GFRAL: variants seen among roughly 807,000 people sequenced by gnomAD.
GFRAL encodes GDNF family receptor alpha like, also known as GDNF family receptor alpha-like.
Under a neutral mutation model 45.4 loss-of-function variants are expected in GFRAL, and 36 were observed. The observed-to-expected ratio is 0.79, with a 90% CI of 0.61 to 1.05. The LOEUF (loss-of-function observed/expected upper bound fraction) is 1.05. GFRAL is among the 50% of genes least tolerant of loss of function. GFRAL has a pLI of 0.00. For missense variants in GFRAL, 507 were observed against 467.5 expected, an observed-to-expected ratio of 1.08 and a Z score of -0.78; for synonymous variants, 166 against 154.1, an observed-to-expected ratio of 1.08 and a Z score of -0.57.
rs182535539 is a variant in GFRAL at position 55,402,135 on chromosome 6, G to C, written c.*282G>C. On this transcript the variant is annotated 3_prime_UTR_variant, in exon 9 of 9. Coordinates refer to ENST00000340465, the MANE Select transcript of GFRAL (RefSeq NM_207410.2). ...TGGGATTACAGGTACCCGCCACCAC[G>C]CCCAGCTAATTTTTTTGTATTTTTA... 470 of 244,006 alleles carry C rather than the reference G, an allele frequency of 1.9e-3. 3 individuals are homozygous for C. Among genetic ancestry groups the C allele is most frequent in the African/African-American group, 0.01 (446 of 44,132 alleles). 15.1% of individuals were successfully genotyped at this position (244,006 alleles called of 1,614,324 possible).
At chr6:55,378,518 A>G (rs1176936731) in intron 6 of GFRAL, among the ~76,000 whole-genome samples, 1 of 151,842 alleles carries the variant, frequency 6.6e-6, no homozygotes. Context: ...TTGCCACCAT[A>G]GCTACATTCT....
intron 3 of GFRAL, among the ~76,000 whole-genome samples, chr6:55,335,916 T>TTTA (rs1441734332): frequency 4.8e-4 from 69 of 142,658 alleles, no homozygotes; most frequent in Non-Finnish European, 9.4e-4. Context: ...TTTATTTTAT[T>TTTA]TTATTTTATT....
Position 55,401,804 on chromosome 6 carries a change from C to T in GFRAL, c.1136C>T (p.Ser379Leu). The T allele has an allele frequency of 6.5e-7, 1 of 1,528,224 alleles. No individual in the cohort carries two copies. The highest frequency in any genetic ancestry group is 9.1e-7 in the Non-Finnish European group (1 of 1,101,408). 94.7% of individuals were successfully genotyped at this position (1,528,224 alleles called of 1,614,324 possible). A position where few individuals can be genotyped will look rare whatever the true frequency, so the allele number is the denominator to read the frequency against. Residue 379 changes from serine to leucine, a missense_variant, in exon 9 of 9, where the codon TCA (serine) becomes TTA (leucine). Transcript: ENST00000340465. ...ATTTTATACAGAACTTCCAGAATAT[C>T]AAGTAAAGCAAGAGATCCTTCATCG... ...VMVKLRTSRI[S>L]SKARDPSSIQ...
At chr6:55,372,718 C>A (rs1223659752) in intron 6 of GFRAL, among the ~76,000 whole-genome samples, 1 of 152,160 alleles carries the variant, frequency 6.6e-6, no homozygotes, top group Non-Finnish European at 1.5e-5. Context: ...CCACACTTAT[C>A]TCCAGGGAGA....
intron 3 of GFRAL, among the ~76,000 whole-genome samples, chr6:55,340,737 C>T (rs568977098): frequency 2.3e-4 from 35 of 152,222 alleles, no homozygotes; most frequent in African/African-American, 4.3e-4. Flanking sequence ...TTGCCTCACC[C>T]GGGAAGCACA....
intron 6 of GFRAL, among the ~76,000 whole-genome samples, chr6:55,364,280 G>T (rs1768323230): frequency 6.6e-6 from 1 of 151,232 alleles, no homozygotes; most frequent in Non-Finnish European, 1.5e-5. Context: ...CTTTTTGTTG[G>T]GATTGTTTGT....
chr6:55,372,489 C>A (rs1157434054), intron 6 of GFRAL, among the ~76,000 whole-genome samples: 1 of 152,176 alleles, frequency 6.6e-6, no homozygotes, highest in Admixed American at 6.5e-5. Flanking sequence ...GCATTAAGTC[C>A]AATCAGCATT....
rs540071621 is a variant in GFRAL, at chr6:55,372,592, G to A, written c.952+13454G>A. On this transcript the variant is annotated intron_variant, in intron 6 of 8. Transcript: ENST00000340465. ...GTCTTCCCTACTCAGCAGAGGATAG[G>A]AAAATAAAAAATGTGGTTTGCCTCA... Among the ~76,000 whole-genome samples the A allele has an allele frequency of 4.6e-5, 7 of 152,130 alleles. 1 individual carries two copies. The highest frequency in any genetic ancestry group is 1.7e-4 in the African/African-American group (7 of 41,488).
chr6:55,354,579 TA>T (rs1023732993), intron 5 of GFRAL, among the ~76,000 whole-genome samples: 3 of 152,028 alleles, frequency 2.0e-5, no homozygotes, highest in Admixed American at 6.6e-5. Flanking sequence ...AAATGTTATA[TA>T]ATATTAGTAG....
At chr6:55,350,001 G>T in intron 3 of GFRAL, 91 bp from the exon 4 acceptor site, 1 of 754,536 alleles carries the variant, frequency 1.3e-6, no homozygotes, top group South Asian at 1.4e-5. Flanking sequence ...AATATATGTG[G>T]ACTTTACTCA....
Position 55,371,195 on chromosome 6 carries a change from G to A in GFRAL, c.952+12057G>A, listed in dbSNP as rs577478917. On this transcript the variant is annotated intron_variant, in intron 6 of 8. Transcript: ENST00000340465. ...CTATCTATAATTATTTCTAGGTATG[G>A]CCCAAATATTACAATTGCTATTGAA... Among the ~76,000 whole-genome samples the A allele has an allele frequency of 2.0e-3, 307 of 151,956 alleles. 2 individuals are homozygous for A. Among genetic ancestry groups the A allele is most frequent in the African/African-American group, 6.6e-3 (272 of 41,432 alleles).
chr6:55,333,563 G>C (rs139234137), intron 2 of GFRAL, among the ~76,000 whole-genome samples: 2,758 of 152,200 alleles, frequency 0.018, 43 homozygotes, highest in Non-Finnish European at 0.024. Context: ...AAGCTATTTT[G>C]AAATGCAGAA....
Position 55,351,294 on chromosome 6 carries a change from TGTGTAG to T in GFRAL, c.414_419del (p.Cys138_Gly140delinsTrp). The T allele has an allele frequency of 3.1e-6, 5 of 1,608,702 alleles. No individual in the cohort carries two copies. The highest frequency in any genetic ancestry group is 4.3e-6 in the Non-Finnish European group (5 of 1,176,086). On this transcript the variant is annotated inframe_deletion, in exon 5 of 9. Transcript: ENST00000340465. ...GTCCTGTTTGGAAGTGGCAGAGGCA[TGTGTAG>T]GGGATGTGGTCTGTAATGCACAGTT...
chr6:55,401,765 T>C, intron 8 of GFRAL, 25 bp from the exon 9 acceptor site: 5 of 1,317,760 alleles, frequency 3.8e-6, no homozygotes, highest in Non-Finnish European at 5.5e-6. Flanking sequence ...GGCATGTTGT[T>C]AACTTTTACT....
chr6:55,341,423 G>A (rs1273547358), intron 3 of GFRAL, among the ~76,000 whole-genome samples: 2 of 152,172 alleles, frequency 1.3e-5, no homozygotes, highest in Non-Finnish European at 2.9e-5. Context: ...GGTCTGGAGT[G>A]GACCTCCAGC....
Position 55,394,889 on chromosome 6 carries a change from A to G in GFRAL, c.953-4291A>G, listed in dbSNP as rs576184111. ...TGCTCACTAAATACTTTTTGAGGAAAGATAGGAATGAGAGAAGGAGGAGAA... is the reference window on the plus strand; with the variant it reads ...TGCTCACTAAATACTTTTTGAGGAAGGATAGGAATGAGAGAAGGAGGAGAA... On this transcript the variant is annotated intron_variant, in intron 6 of 8. Transcript: ENST00000340465. 5.9e-5 allele frequency among the ~76,000 whole-genome samples: 9 copies of G among 152,212 alleles called. No homozygotes were observed. The South Asian group carries it at 1.4e-3, about 25-fold the overall frequency.
intron 6 of GFRAL, among the ~76,000 whole-genome samples, chr6:55,362,022 TTTG>T (rs555375468): frequency 1.2e-3 from 186 of 152,034 alleles, no homozygotes; most frequent in Admixed American, 2.7e-3. Context: ...ACATACTCTG[TTTG>T]TTAACAATTT....
intron 6 of GFRAL, among the ~76,000 whole-genome samples, chr6:55,371,857 C>T (rs139303844): frequency 0.014 from 2,058 of 152,232 alleles, 46 homozygotes; most frequent in African/African-American, 0.046. Context: ...AAAACAGACA[C>T]AAATAAACCC....
At chr6:55,392,849 C>T (rs3857609) in intron 6 of GFRAL, among the ~76,000 whole-genome samples, 1,937 of 151,968 alleles carry the variant, frequency 0.013, 40 homozygotes, top group African/African-American at 0.045. Context: ...ATGTAACAAA[C>T]CTACACATGT....
Sources: gnomAD v4.1 joint callset for allele counts (sites outside exome capture counted in the v4.1 genomes callset) on GRCh38, gnomAD v4.1.1 for gene constraint, MANE v1.5 for transcripts, NCBI Gene and HGNC (gene_info 2026-07-23, HGNC 2026-07-21) for gene names.